The following BIN1 variants were observed in gnomAD, a reference collection of about 807,000 sequenced individuals.
BIN1 encodes the protein myc box-dependent-interacting protein 1.
A neutral mutation model predicts 82.0 loss-of-function variants in BIN1; 53 were observed. That is an observed-to-expected ratio of 0.65 (90% confidence interval 0.52 to 0.81). BIN1 has a LOEUF of 0.81. BIN1 is among the 40% of genes least tolerant of loss of function. The pLI is 0.00. For synonymous variants in BIN1, 302 were observed against 328.0 expected (o/e 0.92, Z 0.86); for missense variants, 642 against 784.4 (o/e 0.82, Z 2.17).
chr2:127,091,846 A>C lies in BIN1; in HGVS notation c.84+15014T>G, dbSNP rs373538501. 2.6e-5 allele frequency among the ~76,000 whole-genome samples: 4 copies of C among 152,202 alleles called. No homozygotes were observed. In the East Asian group the frequency reaches 7.7e-4, roughly 29 times the overall value. On this transcript the variant is annotated intron_variant, in intron 1 of 18. Transcript: ENST00000316724. ...CAGGAGTTGGAGGCTGCAGCAAGCT[A>C]TGATTGTGCCATTACACTCAGCCTG...
In BIN1 at chr2:127,070,591, C is replaced by T. The variant is rs774273606; in HGVS notation, c.277G>A (p.Asp93Asn). Reference protein sequence around the residue: ...NECLQEVYEPDWPGRDEANKI... With the variant: ...NECLQEVYEPNWPGRDEANKI... ...TTTGCCTCATCCCTGCCGGGCCAAT[C>T]GGGCTCATACACCTCCTGCAGACAC... is the stretch of plus-strand genomic sequence containing the variant. Residue 93 changes from aspartate (D) to asparagine (N), a missense_variant, in exon 4 of 19, where the codon GAT becomes AAT. By Grantham distance (23) the Asp-to-Asn change is conservative. Transcript: ENST00000316724. The T allele has an allele frequency of 1.2e-6, 2 of 1,614,124 alleles. No homozygotes were observed. The highest frequency in any genetic ancestry group is 1.7e-5 in the Admixed American group (1 of 60,024).
chr2:127,069,054 C>A, intron 5 of BIN1, 23 bp from the exon 6 acceptor site: 1 of 1,610,056 alleles, frequency 6.2e-7, no homozygotes, highest in South Asian at 1.1e-5. Context: ...GAGGAGGGCA[C>A]TAAGCGGGGC....
intron 14 of BIN1, 191 bp from the exon 15 acceptor site, chr2:127,052,553 G>C (rs1385889889): frequency 3.3e-6 from 2 of 604,606 alleles, no homozygotes; most frequent in Non-Finnish European, 5.9e-6. Flanking sequence ...CAAAGGGACA[G>C]GCAGGTGTGA....
In BIN1 at chr2:127,070,585, G is replaced by A. The variant is rs749504481; in HGVS notation, c.283C>T (p.Pro95Ser). The change falls in exon 4 of 19, where the codon CCC (proline) becomes TCC (serine). Residue 95 changes from proline (P) to serine (S), a missense_variant. By Grantham distance (74) the Pro-to-Ser change is moderately conservative. Coordinates refer to ENST00000316724, the MANE Select transcript of BIN1 (RefSeq NM_139343.3). ...ATCTTGTTTGCCTCATCCCTGCCGG[G>A]CCAATCGGGCTCATACACCTCCTGC... ...CLQEVYEPDW[P>S]GRDEANKIAE... The A allele has an allele frequency of 6.2e-7, 1 of 1,614,064 alleles. No individual in the cohort carries two copies. Among genetic ancestry groups the A allele is most frequent in the Non-Finnish European group, 8.5e-7 (1 of 1,180,008 alleles).
chr2:127,057,431 G>A lies in BIN1; in HGVS notation c.1131+42C>T. The A allele has an allele frequency of 6.5e-7, 1 of 1,529,108 alleles. No individual in the cohort carries two copies. Among genetic ancestry groups the A allele is most frequent in the South Asian group, 1.2e-5 (1 of 81,622 alleles). The allele number at this position is 1,529,108 out of a possible 1,614,324, so 94.7% of individuals were successfully genotyped here. ...TGAAGGCCATGCACGCCCTGAGAGG[G>A]CAGGAAGAGAGGAGAGCTGGGCCGC... On this transcript the variant is annotated intron_variant, in intron 12 of 18. Transcript: ENST00000316724. This position sits in a 1 kb window ranked among gnomAD's most constrained non-coding sequence, Gnocchi z 5.0.
chr2:127,103,385 A>C (rs1048857234), intron 1 of BIN1, among the ~76,000 whole-genome samples: 2 of 152,056 alleles, frequency 1.3e-5, no homozygotes, highest in Non-Finnish European at 2.9e-5. Flanking sequence ...CCACCACTGC[A>C]CCTTCCTTTA....
In BIN1 at chr2:127,052,276, C is replaced by T. The variant is rs778996728; in HGVS notation, c.1350G>A (p.Thr450=). The change falls in exon 15 of 19, where the codon ACG becomes ACA. Residue 450 remains threonine (T), a synonymous_variant. Transcript: ENST00000316724. ...TTACTTGGGCAGGCCCCGGCTCGGC[C>T]GTCTGGCTGGGCCAGGACACAGCAA... The part of the protein sequence containing the change: ...GTFAVSWPSQ[T]AEPGPAQPAE... 15 of 1,578,932 alleles carry T rather than the reference C, an allele frequency of 9.5e-6. No homozygotes were observed. Among genetic ancestry groups the T allele is most frequent in the Non-Finnish European group, 1.2e-5 (14 of 1,162,426 alleles).
intron 2 of BIN1, 47 bp downstream of exon 2, chr2:127,076,579 G>A: frequency 6.2e-7 from 1 of 1,609,588 alleles, no homozygotes; most frequent in Non-Finnish European, 8.5e-7. Flanking sequence ...TCACCTGGCA[G>A]CCGAATTTTC....
At chr2:127,050,674 G>C (rs924368753) in intron 17 of BIN1, 128 bp downstream of exon 17, 2 of 1,336,228 alleles carry the variant, frequency 1.5e-6, no homozygotes, top group Non-Finnish European at 2.1e-6. Flanking sequence ...ATGCCACCTT[G>C]CTGGCTGGGA....
At chr2:127,062,632 G>A (rs1277162665) in intron 9 of BIN1, among the ~76,000 whole-genome samples, 8 of 152,158 alleles carry the variant, frequency 5.3e-5, no homozygotes, top group Middle Eastern at 3.2e-3. Flanking sequence ...CCTCACACAC[G>A]GTGATTCTCA....
chr2:127,071,984 A>C (rs1322063398), intron 2 of BIN1, among the ~76,000 whole-genome samples: 1 of 152,134 alleles, frequency 6.6e-6, no homozygotes, highest in Non-Finnish European at 1.5e-5. Context: ...GCTGAGGCTG[A>C]CCTTCGTAGT....
chr2:127,106,840 T>TG lies in BIN1; in HGVS notation c.84+19dup, dbSNP rs751236360. 7.6e-6 allele frequency: 12 copies of TG among 1,585,922 alleles called. No homozygotes were observed. The African/African-American group carries it at 1.6e-4, about 21-fold the overall frequency. ...GCGGCGGCTGGGACTCCGCGGCTGC[T>TG]GGGGCTCCGGCTCGCTCACCTTCTC... On this transcript the variant is annotated intron_variant, in intron 1 of 18. Coordinates refer to ENST00000316724, the MANE Select transcript of BIN1 (RefSeq NM_139343.3).
chr2:127,064,884 G>A (rs565588141), intron 7 of BIN1: 1 of 152,414 alleles, frequency 6.6e-6, no homozygotes, highest in African/African-American at 2.4e-5. Flanking sequence ...CCAGGGAAGG[G>A]GCTGTGCTGG....
Position 127,093,748 on chromosome 2 carries a change from C to A in BIN1, c.84+13112G>T, listed in dbSNP as rs923892765. Among the ~76,000 whole-genome samples, 4 of 152,240 alleles carry A rather than the reference C, an allele frequency of 2.6e-5. No homozygotes were observed. The highest frequency in any genetic ancestry group is 5.9e-5 in the Non-Finnish European group (4 of 68,044). On this transcript the variant is annotated intron_variant, in intron 1 of 18. Transcript: ENST00000316724. This position sits in a 1 kb window ranked among gnomAD's most constrained non-coding sequence, Gnocchi z 5.7. ...CTTGGAAACCTGTCTTTCGTTAGAG[C>A]GGTGTCAGCTGTGGCCCTTATGATG...
chr2:127,099,996 T>G (rs1262670864), intron 1 of BIN1, among the ~76,000 whole-genome samples: 19 of 147,968 alleles, frequency 1.3e-4, no homozygotes, highest in East Asian at 4.0e-4. Context: ...AGAGACGGGG[T>G]TTCACCATGT....
chr2:127,094,929 G>A (rs1679401664), intron 1 of BIN1, among the ~76,000 whole-genome samples: 1 of 152,200 alleles, frequency 6.6e-6, no homozygotes, highest in South Asian at 2.1e-4. Flanking sequence ...CCTCAACCAT[G>A]GGGCCTCCTC....
chr2:127,064,648 G>C (rs1330266005), intron 7 of BIN1: 2 of 175,954 alleles, frequency 1.1e-5, no homozygotes, highest in African/African-American at 4.7e-5. Flanking sequence ...GGAATGTCAG[G>C]GGGACCCTAG....
At chr2:127,103,985 A>G (rs1344590024) in intron 1 of BIN1, among the ~76,000 whole-genome samples, 1 of 152,122 alleles carries the variant, frequency 6.6e-6, no homozygotes, top group East Asian at 1.9e-4. Flanking sequence ...AACCCTTCCA[A>G]TTTATTCTCA....
At chr2:127,101,006 T>TGGGGGGGGGGGGGGGGGGG (rs368156938) in intron 1 of BIN1, among the ~76,000 whole-genome samples, 3 of 109,204 alleles carry the variant, frequency 2.7e-5, no homozygotes, top group African/African-American at 1.3e-4. Flanking sequence ...GTGCGGGGGG[T>TGGGGGGGGGGGGGGGGGGG]GGGGATAGAC....
Sources: allele counts gnomAD v4.1 joint callset (sites outside exome capture counted in the v4.1 genomes callset), GRCh38; gene constraint gnomAD v4.1.1; non-coding constraint Gnocchi (gnomAD v3.1); transcripts MANE v1.5; gene names NCBI Gene and HGNC (gene_info 2026-07-23, HGNC 2026-07-21).